Variants in GPC6 observed in about 807,000 individuals in gnomAD.
GPC6 encodes the protein glypican-6.
In GPC6, 14 loss-of-function variants were observed where a neutral mutation model predicts 55.2. The observed-to-expected ratio is 0.25, with a 90% CI of 0.17 to 0.40. The LOEUF (loss-of-function observed/expected upper bound fraction) is 0.40, where lower values mean the gene tolerates loss of function less well. Ranked by LOEUF, GPC6 falls within the 10% of genes least tolerant of loss-of-function variation. The pLI is 1.00. For synonymous variants in GPC6, 278 were observed against 259.6 expected (o/e 1.07, Z -0.68); for missense variants, 641 against 708.5 (o/e 0.90, Z 1.08).
intron 1 of GPC6, among the ~76,000 whole-genome samples, chr13:93,469,283 T>G (rs966043146): frequency 3.3e-4 from 50 of 152,178 alleles, no homozygotes; most frequent in African/African-American, 1.2e-3. Flanking sequence ...CTACTTCAAG[T>G]GGTTTTTGTC....
chr13:93,540,532 A>G (rs956477810), intron 1 of GPC6, among the ~76,000 whole-genome samples: 1 of 152,002 alleles, frequency 6.6e-6, no homozygotes, highest in Non-Finnish European at 1.5e-5. Context: ...ATATAGCTTT[A>G]TTTTTATTTT....
chr13:94,364,768 G>T (rs1398419553), intron 6 of GPC6, among the ~76,000 whole-genome samples: 1 of 152,148 alleles, frequency 6.6e-6, no homozygotes, highest in African/African-American at 2.4e-5. Context: ...GTGCAGCTGT[G>T]TGTGGGGGTG....
chr13:93,542,879 C>A (rs554799968), intron 1 of GPC6, among the ~76,000 whole-genome samples: 1 of 152,038 alleles, frequency 6.6e-6, no homozygotes, highest in African/African-American at 2.4e-5. Flanking sequence ...GATTTTGTAT[C>A]CTGAGACTTT....
chr13:93,665,478 CTGTG>C (rs1229645923), intron 2 of GPC6, among the ~76,000 whole-genome samples: 2 of 151,772 alleles, frequency 1.3e-5, no homozygotes, highest in Non-Finnish European at 2.9e-5. Flanking sequence ...TTGAAAAAGA[CTGTG>C]TGTGTGTATG....
At chr13:94,328,161 C>G (rs1253731002) in intron 6 of GPC6, among the ~76,000 whole-genome samples, 1 of 152,092 alleles carries the variant, frequency 6.6e-6, no homozygotes, top group East Asian at 1.9e-4. Context: ...AATACTGATT[C>G]CCAAGGGCCA....
At chr13:94,342,419 A>T (rs1024037309) in intron 6 of GPC6, among the ~76,000 whole-genome samples, 1 of 152,158 alleles carries the variant, frequency 6.6e-6, no homozygotes, top group Non-Finnish European at 1.5e-5. Context: ...ACAGAGGAAG[A>T]ACACCGTGTA....
At chr13:94,106,621 GA>G (rs969137761) in intron 4 of GPC6, among the ~76,000 whole-genome samples, 14 of 152,090 alleles carry the variant, frequency 9.2e-5, no homozygotes, top group Non-Finnish European at 1.5e-4. Flanking sequence ...TAATAATAAG[GA>G]AAGTAAAGGT....
At chr13:93,977,047 G>C (rs1880552229) in intron 3 of GPC6, among the ~76,000 whole-genome samples, 2 of 151,976 alleles carry the variant, frequency 1.3e-5, no homozygotes, top group African/African-American at 2.4e-5. Context: ...GCCTGCAGTT[G>C]GTGGGATATA....
chr13:93,439,655 T>C (rs886892234), intron 1 of GPC6, among the ~76,000 whole-genome samples: 1 of 148,186 alleles, frequency 6.7e-6, no homozygotes, highest in Non-Finnish European at 1.5e-5. Context: ...AAAGTGAAAC[T>C]ACATCTCAAA....
chr13:93,715,277 G>T (rs770999335), intron 2 of GPC6, among the ~76,000 whole-genome samples: 37 of 151,710 alleles, frequency 2.4e-4, no homozygotes, highest in Non-Finnish European at 2.7e-4. Context: ...ATACTACACA[G>T]CCATAAAAAG....
chr13:94,345,050 C>T (rs1454352823), intron 6 of GPC6, among the ~76,000 whole-genome samples: 2 of 152,148 alleles, frequency 1.3e-5, no homozygotes, highest in Non-Finnish European at 2.9e-5. Context: ...TAAATTACCA[C>T]TACTATTATT....
intron 4 of GPC6, among the ~76,000 whole-genome samples, chr13:94,244,120 C>T (rs528586704): frequency 4.6e-4 from 70 of 152,232 alleles, no homozygotes; most frequent in African/African-American, 1.6e-3. Flanking sequence ...TTCCTTATTT[C>T]CTCTCCTTGC....
chr13:93,523,052 CAT>C lies in GPC6; in HGVS notation c.161-22208_161-22207del, dbSNP rs3076817. On this transcript the variant is annotated intron_variant, in intron 1 of 8. Coordinates refer to ENST00000377047, the MANE Select transcript of GPC6 (RefSeq NM_005708.5). ...ATATACAAATACATACACACACACA[CAT>C]ATGTGTATACATATACATATATGTG... Among the ~76,000 whole-genome samples, 1,308 of 135,692 alleles carry C rather than the reference CAT, an allele frequency of 9.6e-3. 22 individuals carry two copies. The highest frequency in any genetic ancestry group is 0.046 in the African/African-American group (1,232 of 26,962). 89.0% of individuals were successfully genotyped at this position (135,692 alleles called of 152,430 possible).
intron 6 of GPC6, among the ~76,000 whole-genome samples, chr13:94,367,357 C>T (rs1313068705): frequency 6.6e-6 from 1 of 152,142 alleles, no homozygotes; most frequent in African/African-American, 2.4e-5. Context: ...CTATTGAATT[C>T]AATAGATATT....
At chr13:94,206,582 G>A (rs578048149) in intron 4 of GPC6, among the ~76,000 whole-genome samples, 2 of 152,188 alleles carry the variant, frequency 1.3e-5, no homozygotes, top group South Asian at 2.1e-4. Flanking sequence ...AGCCAGGCAC[G>A]GCAGCTCACA....
intron 6 of GPC6, among the ~76,000 whole-genome samples, chr13:94,351,666 G>A (rs1566708222): frequency 6.6e-6 from 1 of 152,034 alleles, no homozygotes; most frequent in Non-Finnish European, 1.5e-5. Context: ...GCAAATCTGT[G>A]GCTATGTCAT....
chr13:93,252,049 T>C (rs1161131299), intron 1 of GPC6, among the ~76,000 whole-genome samples: 1 of 152,182 alleles, frequency 6.6e-6, no homozygotes, highest in Non-Finnish European at 1.5e-5. Flanking sequence ...AACCAGTGGT[T>C]CTCAAACTTG....
At chr13:93,506,438 A>C (rs1594220322) in intron 1 of GPC6, among the ~76,000 whole-genome samples, 1 of 152,206 alleles carries the variant, frequency 6.6e-6, no homozygotes, top group Non-Finnish European at 1.5e-5. Context: ...TGATCATTAT[A>C]CTAGCATGTC....
intron 1 of GPC6, among the ~76,000 whole-genome samples, chr13:93,396,576 A>AAATAATAATAAT (rs148474237): frequency 8.0e-5 from 12 of 150,404 alleles, no homozygotes; most frequent in South Asian, 2.1e-4. Flanking sequence ...TCAAAAAAGA[A>AAATAATAATAAT]AATAATAATA....
Sources: gnomAD v4.1 joint callset for allele counts (sites outside exome capture counted in the v4.1 genomes callset) on GRCh38, gnomAD v4.1.1 for gene constraint, MANE v1.5 for transcripts, NCBI Gene and HGNC (gene_info 2026-07-23, HGNC 2026-07-21) for gene names.